MELK: variants seen among roughly 807,000 people sequenced by gnomAD.
MELK encodes the protein pEg3 kinase.
Under a neutral mutation model 85.0 loss-of-function variants are expected in MELK, and 81 were observed. That is an observed-to-expected ratio of 0.95 (90% CI 0.80 to 1.15). The LOEUF is 1.15. Among genes scored for constraint, MELK ranks in the 50% most tolerant of loss-of-function variants. The pLI, the probability that MELK is intolerant of heterozygous loss-of-function variation, is 0.00. For missense variants in MELK, 754 were observed against 777.5 expected, an observed-to-expected ratio of 0.97 and a Z score of 0.36; for synonymous variants, 252 against 265.0, an observed-to-expected ratio of 0.95 and a Z score of 0.48.
At chr9:36,595,678 T>C (rs1469724147) in intron 5 of MELK, among the ~76,000 whole-genome samples, 1 of 148,506 alleles carries the variant, frequency 6.7e-6, no homozygotes, top group Non-Finnish European at 1.5e-5. Context: ...TGATCAGGGC[T>C]CACTGTAGCC....
chr9:36,613,760 C>CT (rs1826269332), intron 8 of MELK, among the ~76,000 whole-genome samples: 1 of 152,050 alleles, frequency 6.6e-6, no homozygotes. Flanking sequence ...AGGAACATGC[C>CT]TGGTGTTGTC....
At chr9:36,595,491 C>T (rs963606204) in intron 5 of MELK, among the ~76,000 whole-genome samples, 1 of 152,028 alleles carries the variant, frequency 6.6e-6, no homozygotes, top group African/African-American at 2.4e-5. Context: ...CCTGGCCTCC[C>T]AAAGTGCTGG....
At chr9:36,614,435 T>TC (rs2136012781) in intron 8 of MELK, among the ~76,000 whole-genome samples, 1 of 126,764 alleles carries the variant, frequency 7.9e-6, no homozygotes, top group Admixed American at 7.4e-5. Flanking sequence ...GTTTTTTTTT[T>TC]TTTTTTTTAA....
intron 8 of MELK, among the ~76,000 whole-genome samples, chr9:36,613,272 A>G (rs1826227252): frequency 6.6e-6 from 1 of 152,234 alleles, no homozygotes; most frequent in Admixed American, 6.5e-5. Flanking sequence ...CTAATCAGAA[A>G]GACAACCACT....
At chr9:36,593,678 G>A (rs1274722911) in intron 4 of MELK, among the ~76,000 whole-genome samples, 1 of 152,126 alleles carries the variant, frequency 6.6e-6, no homozygotes, top group African/African-American at 2.4e-5. Flanking sequence ...TTTTGTTGTT[G>A]TTGTTGTTGT....
At chr9:36,613,532 A>T (rs1826251894) in intron 8 of MELK, among the ~76,000 whole-genome samples, 1 of 152,200 alleles carries the variant, frequency 6.6e-6, no homozygotes, top group Admixed American at 6.6e-5. Context: ...TACTTTGGAA[A>T]AGAGAAAAAA....
intron 1 of MELK, among the ~76,000 whole-genome samples, chr9:36,576,318 T>G (rs1288734492): frequency 6.6e-6 from 1 of 152,228 alleles, no homozygotes; most frequent in African/African-American, 2.4e-5. Context: ...AACCTACTTA[T>G]TAAGTTGGGT....
intron 4 of MELK, among the ~76,000 whole-genome samples, chr9:36,593,927 C>T (rs1823913345): frequency 6.6e-6 from 1 of 152,176 alleles, no homozygotes. Flanking sequence ...CCACCTCGGC[C>T]TCCCAAAGTG....
chr9:36,621,032 A>G (rs1827355377), intron 8 of MELK, among the ~76,000 whole-genome samples: 1 of 151,712 alleles, frequency 6.6e-6, no homozygotes, highest in Non-Finnish European at 1.5e-5. Flanking sequence ...GCACTTTGGG[A>G]GACTGAGGTG....
At chr9:36,611,047 G>A (rs950955416) in intron 8 of MELK, among the ~76,000 whole-genome samples, 7 of 152,010 alleles carry the variant, frequency 4.6e-5, no homozygotes, top group Admixed American at 2.6e-4. Flanking sequence ...TTGGATTTTC[G>A]GATTTGGCAT....
At chr9:36,598,344 A>G (rs1824523086) in intron 6 of MELK, among the ~76,000 whole-genome samples, 1 of 152,166 alleles carries the variant, frequency 6.6e-6, no homozygotes. Context: ...ACACATAGAC[A>G]CCATCTAAGG....
At chr9:36,587,941 T>C (rs938070244) in intron 3 of MELK, among the ~76,000 whole-genome samples, 1 of 148,414 alleles carries the variant, frequency 6.7e-6, no homozygotes, top group Non-Finnish European at 1.5e-5. Context: ...TTTTCGTGTG[T>C]GTTTTTATTA....
intron 8 of MELK, among the ~76,000 whole-genome samples, chr9:36,622,563 A>G (rs1183515796): frequency 6.6e-6 from 1 of 152,192 alleles, no homozygotes; most frequent in Non-Finnish European, 1.5e-5. Context: ...ACCTATATTC[A>G]TTTGTCATCA....
chr9:36,622,627 G>A (rs200490617), intron 8 of MELK, among the ~76,000 whole-genome samples: 1 of 152,048 alleles, frequency 6.6e-6, no homozygotes, highest in East Asian at 1.9e-4. Context: ...CAAATATTAG[G>A]GAAGTATAAA....
At chr9:36,676,104 C>T (rs1833324346) in intron 17 of MELK, among the ~76,000 whole-genome samples, 1 of 152,140 alleles carries the variant, frequency 6.6e-6, no homozygotes. Context: ...TTGTTCTATG[C>T]CTCATCTTCT....
At chr9:36,663,517 C>T (rs1832056650) in intron 13 of MELK, among the ~76,000 whole-genome samples, 1 of 152,152 alleles carries the variant, frequency 6.6e-6, no homozygotes, top group Admixed American at 6.6e-5. Context: ...TTTCTCATCA[C>T]CAACCCCCTT....
At chr9:36,617,224 C>CA (rs1564167660) in intron 8 of MELK, among the ~76,000 whole-genome samples, 1 of 152,156 alleles carries the variant, frequency 6.6e-6, no homozygotes, top group East Asian at 1.9e-4. Flanking sequence ...CATACCCCCC[C>CA]ACCAATACAG....
chr9:36,607,618 G>A lies in MELK; in HGVS notation c.611G>A (p.Cys204Tyr), dbSNP rs1825686620. The A allele has an allele frequency of 6.2e-7, 1 of 1,613,080 alleles. No homozygotes were observed. Among genetic ancestry groups the A allele is most frequent in the East Asian group, 2.2e-5 (1 of 44,864 alleles). The change falls in exon 8 of 18, where the codon TGT (cysteine) becomes TAT (tyrosine). Residue 204 changes from cysteine (C) to tyrosine (Y), a missense_variant. Coordinates refer to ENST00000298048, the MANE Select transcript of MELK (RefSeq NM_014791.4). ...SMGILLYVLM[C>Y]GFLPFDDDNV... is the part of the protein sequence containing the mutation. ...GGCATACTGTTATATGTTCTTATGT[G>A]TGGATTTCTACCATTTGATGATGAT...
At chr9:36,672,839 G>A (rs1489727084) in intron 16 of MELK, among the ~76,000 whole-genome samples, 1 of 152,202 alleles carries the variant, frequency 6.6e-6, no homozygotes, top group African/African-American at 2.4e-5. Flanking sequence ...TACCACCCAT[G>A]TATAGACCCA....
Sources: gnomAD v4.1 joint callset for allele counts (sites outside exome capture counted in the v4.1 genomes callset) on GRCh38, gnomAD v4.1.1 for gene constraint, MANE v1.5 for transcripts, NCBI Gene and HGNC (gene_info 2026-07-23, HGNC 2026-07-21) for gene names.